The following RGS3 variants were observed in gnomAD, a reference collection of about 807,000 sequenced individuals.
The protein encoded by RGS3 is regulator of G protein signaling 3, also known as regulator of G-protein signalling 3.
Under a neutral mutation model 132.6 loss-of-function variants are expected in RGS3, and 80 were observed. The observed-to-expected ratio is 0.60, with a 90% CI of 0.50 to 0.73. The LOEUF is 0.73. RGS3 is among the 30% of genes least tolerant of loss of function. The pLI, the probability that RGS3 is intolerant of heterozygous loss-of-function variation, is 0.00. For missense variants in RGS3, 1,382 were observed against 1,530.8 expected (o/e 0.90, Z 1.62); for synonymous variants, 598 against 620.6 (o/e 0.96, Z 0.54).
chr9:113,545,565 G>T (rs1209904308), intron 19 of RGS3, among the ~76,000 whole-genome samples: 1 of 151,954 alleles, frequency 6.6e-6, no homozygotes, highest in East Asian at 1.9e-4. Flanking sequence ...TCTTGCTATT[G>T]TTTTTTTTAG....
chr9:113,530,442 A>C (rs1334218330), intron 18 of RGS3, among the ~76,000 whole-genome samples: 1 of 152,176 alleles, frequency 6.6e-6, no homozygotes, highest in African/African-American at 2.4e-5. Context: ...ATTCCCCCGG[A>C]GCACAGGAAG....
intron 24 of RGS3, 22 bp downstream of exon 22, chr9:113,595,787 T>C: frequency 1.2e-6 from 2 of 1,607,680 alleles, no homozygotes; most frequent in African/African-American, 1.3e-5. Flanking sequence ...GGGCAGACCC[T>C]CCGCTCCTCC....
rs565830190 is a variant in RGS3 at position 113,554,172 on chromosome 9, G to A, written c.2037+17254G>A. Among the ~76,000 whole-genome samples, 4 of 152,252 alleles carry A rather than the reference G, an allele frequency of 2.6e-5. No homozygotes were observed. In the South Asian group the frequency reaches 8.3e-4, roughly 32 times the overall value. On this transcript the variant is annotated intron_variant, in intron 19 of 24. Transcript: ENST00000350696. ...TACAATTTGCATTCCTACTCACAGT[G>A]AATGAGAGTGCCTGCTTCCCTACAC...
In RGS3 at chr9:113,507,744, C is replaced by T. The variant is rs961561566; in HGVS notation, c.1437+106C>T. On this transcript the variant is annotated intron_variant, in intron 13 of 24. Coordinates refer to ENST00000350696, the Ensembl canonical transcript of RGS3. This position sits in a 1 kb window ranked among gnomAD's most constrained non-coding sequence, Gnocchi z 5.0. ...GTGATGAGCAGCCTGTGAGGGGCTG[C>T]GATGTTGGGCAAGGAGATGGGGTAT... The T allele has an allele frequency of 3.6e-5, 33 of 916,002 alleles. No homozygotes were observed. Among genetic ancestry groups the T allele is most frequent in the African/African-American group, 1.2e-4 (7 of 59,914 alleles). 56.7% of individuals were successfully genotyped at this position (916,002 alleles called of 1,614,324 possible).
chr9:113,595,521 T>C, intron 23 of RGS3, 78 bp from the exon 22 acceptor site: 2 of 1,521,112 alleles, frequency 1.3e-6, no homozygotes, highest in Non-Finnish European at 1.8e-6. Context: ...TTTAAAGTCC[T>C]GTAGGGGTAA....
intron 18 of RGS3, 99 bp from the exon 17 acceptor site, chr9:113,536,697 G>C: frequency 6.5e-7 from 1 of 1,537,700 alleles, no homozygotes; most frequent in South Asian, 1.3e-5. Context: ...CCTGGCTGCA[G>C]CCTCACCCTC....
At chr9:113,535,373 A>T (rs539512705) in intron 18 of RGS3, among the ~76,000 whole-genome samples, 66 of 152,216 alleles carry the variant, frequency 4.3e-4, no homozygotes, top group Middle Eastern at 3.4e-3. Flanking sequence ...GGGTTTCAGC[A>T]TGTTGGCCAG....
intron 7 of RGS3, among the ~76,000 whole-genome samples, chr9:113,486,557 A>G (rs1194180656): frequency 6.6e-6 from 1 of 152,210 alleles, no homozygotes; most frequent in African/African-American, 2.4e-5. Context: ...GAGTGACAGC[A>G]ATGCACTGCC....
chr9:113,581,112 T>A, intron 19 of RGS3: 1 of 414,834 alleles, frequency 2.4e-6, no homozygotes, highest in Non-Finnish European at 3.2e-6. Flanking sequence ...TTGTTTCTCC[T>A]GATGGAGAAT....
rs905622886 is a variant in RGS3 at position 113,595,950 on chromosome 9, A to T, written c.3411+185A>T. ...AACAGAATCCCAGTTAGTAATAAAA[A>T]TGGCCACCACCAAGGCACTGCCGCA... On this transcript the variant is annotated intron_variant, in intron 24 of 24. Transcript: ENST00000350696. 4.6e-5 allele frequency among the ~76,000 whole-genome samples: 7 copies of T among 152,364 alleles called. No homozygotes were observed. In the East Asian group the frequency reaches 1.3e-3, roughly 29 times the overall value.
intron 17 of RGS3, among the ~76,000 whole-genome samples, chr9:113,526,974 G>A (rs183031011): frequency 3.3e-5 from 5 of 152,240 alleles, no homozygotes; most frequent in East Asian, 1.9e-4. Context: ...GCTCCTCTCC[G>A]GCACCCTTGG....
intron 20 of RGS3, among the ~76,000 whole-genome samples, chr9:113,590,891 C>A (rs1002122987): frequency 1.3e-5 from 2 of 152,214 alleles, no homozygotes; most frequent in Admixed American, 6.5e-5. Flanking sequence ...TTATACACTG[C>A]TGACCATCTC....
chr9:113,547,195 CCTCGG>C (rs1192012032), intron 19 of RGS3, among the ~76,000 whole-genome samples: 4 of 152,130 alleles, frequency 2.6e-5, no homozygotes, highest in African/African-American at 4.8e-5. Context: ...GACTGCAAAG[CCTCGG>C]TACTCTAATA....
chr9:113,583,286 C>T (rs1422313528), intron 19 of RGS3, 164 bp from the exon 18 acceptor site: 1 of 1,266,102 alleles, frequency 7.9e-7, no homozygotes, highest in African/African-American at 1.5e-5. Context: ...AATTGTTACC[C>T]AGCTAAGTCA....
intron 3 of RGS3, among the ~76,000 whole-genome samples, chr9:113,464,903 C>CCA: frequency 6.6e-6 from 1 of 152,324 alleles, no homozygotes; most frequent in South Asian, 2.1e-4. Context: ...ATTTGGTTTT[C>CCA]CACAACCTGC....
At chr9:113,536,454 C>CG in intron 18 of RGS3, 1 of 1,016,104 alleles carries the variant, frequency 9.8e-7, no homozygotes, top group Non-Finnish European at 1.2e-6. Context: ...GGGCTTCCCA[C>CG]GTGCTCCCTC....
chr9:113,501,369 C>A, intron 10 of RGS3: 1 of 1,328,032 alleles, frequency 7.5e-7, no homozygotes. Context: ...CCTTGTCATT[C>A]TGAGGTTTCA....
intron 19 of RGS3, among the ~76,000 whole-genome samples, chr9:113,541,155 G>A (rs552975740): frequency 3.3e-5 from 5 of 152,308 alleles, no homozygotes; most frequent in Admixed American, 2.6e-4. Context: ...CAGATGTGAC[G>A]GTGAGGTGCG....
At chr9:113,485,682 C>T in exon 7 of RGS3, 1 of 1,590,514 alleles carries the variant, frequency 6.3e-7, no homozygotes, top group Non-Finnish European at 8.6e-7. Context: ...GGAACAGGGC[C>T]AGCCAGTCCA....
Sources: allele counts gnomAD v4.1 joint callset (sites outside exome capture counted in the v4.1 genomes callset), GRCh38; gene constraint gnomAD v4.1.1; non-coding constraint Gnocchi (gnomAD v3.1); transcripts MANE v1.5; gene names NCBI Gene and HGNC (gene_info 2026-07-23, HGNC 2026-07-21).